The following RFC1 variants were observed in gnomAD, a reference collection of about 807,000 sequenced individuals.
RFC1 encodes the protein replication factor C subunit 1, also known as A1 140 kDa subunit.
In RFC1, 37 loss-of-function variants were observed where a neutral mutation model predicts 137.4. The ratio of observed to expected loss-of-function variants is 0.27; its 90% CI spans 0.21 to 0.35. The LOEUF is 0.35. RFC1 is among the 10% of genes least tolerant of loss of function. The pLI is 1.00. For missense variants in RFC1, 1,205 were observed against 1,358.5 expected (o/e 0.89, Z 1.78); for synonymous variants, 429 against 455.7 (o/e 0.94, Z 0.75).
Position 39,360,722 on chromosome 4 carries a change from G to A in RFC1, c.3+5517C>T, listed in dbSNP as rs985027128. Among the ~76,000 whole-genome samples the A allele has an allele frequency of 5.9e-5, 9 of 151,900 alleles. No homozygotes were observed. In the South Asian group the frequency reaches 6.2e-4, roughly 11 times the overall value. ...TGCACTCCAGCCTGAGCAACAGAGC[G>A]AGACTCTGTCTCAGAAAAAAAAAGG... is the stretch of plus-strand genomic sequence containing the variant. On this transcript the variant is annotated intron_variant, in intron 1 of 24. Transcript: ENST00000349703.
intron 1 of RFC1, among the ~76,000 whole-genome samples, chr4:39,355,287 T>C (rs1578172549): frequency 6.7e-6 from 1 of 149,454 alleles, no homozygotes. Flanking sequence ...ATCAGCCTAG[T>C]GTAGTGACAC....
intron 21 of RFC1, among the ~76,000 whole-genome samples, chr4:39,296,543 A>G (rs1050532622): frequency 4.8e-5 from 7 of 147,258 alleles, no homozygotes; most frequent in Non-Finnish European, 6.0e-5. Flanking sequence ...GAGAATGATG[A>G]TTTCCAATTT....
At chr4:39,292,660 A>AG (rs1737749576) in intron 22 of RFC1, among the ~76,000 whole-genome samples, 3 of 139,196 alleles carry the variant, frequency 2.2e-5, no homozygotes, top group African/African-American at 8.8e-5. Flanking sequence ...ATTTATTTAA[A>AG]GACGAAGCCT....
At position 39,302,579 on chromosome 4, in the gene RFC1, A is replaced by G. The variant is rs1275594880; in HGVS notation, c.2357T>C (p.Ile786Thr). 5.0e-6 allele frequency: 8 copies of G among 1,607,972 alleles called. No homozygotes were observed. Among genetic ancestry groups the G allele is most frequent in the Non-Finnish European group, 6.8e-6 (8 of 1,175,528 alleles). ...VEQIKGAMMS[I>T]AFKEGLKIPP... The stretch of plus-strand genomic sequence containing the variant: ...AATCTTTAAACCTTCTTTAAATGCA[A>G]TAGACATCATAGCACCCTGAAATTG... Residue 786 changes from isoleucine to threonine, a missense_variant, in exon 18 of 25, where the codon ATT (isoleucine) becomes ACT (threonine). Coordinates refer to ENST00000349703, the MANE Select transcript of RFC1 (RefSeq NM_002913.5).
At chr4:39,333,137 G>C (rs1192435563) in intron 4 of RFC1, among the ~76,000 whole-genome samples, 1 of 152,156 alleles carries the variant, frequency 6.6e-6, no homozygotes, top group Non-Finnish European at 1.5e-5. Context: ...GGGTTTCACT[G>C]CGATCTTCTG....
intron 1 of RFC1, among the ~76,000 whole-genome samples, chr4:39,364,641 T>C (rs569083147): frequency 2.3e-4 from 35 of 152,298 alleles, no homozygotes; most frequent in Non-Finnish European, 4.9e-4. Context: ...TAACTTTCCA[T>C]AGAGTCCTTT....
chr4:39,363,890 A>C (rs1474626785), intron 1 of RFC1, among the ~76,000 whole-genome samples: 2 of 71,612 alleles, frequency 2.8e-5, no homozygotes, highest in Non-Finnish European at 5.4e-5. Flanking sequence ...GACTCTCAAA[A>C]AAAAAAAAAA....
At chr4:39,331,313 G>A (rs1740089199) in intron 4 of RFC1, among the ~76,000 whole-genome samples, 1 of 152,106 alleles carries the variant, frequency 6.6e-6, no homozygotes, top group African/African-American at 2.4e-5. Flanking sequence ...CTGAAATGAT[G>A]GTGCTCTACT....
At chr4:39,347,685 T>TA (rs1740924274) in intron 2 of RFC1, among the ~76,000 whole-genome samples, 1 of 152,158 alleles carries the variant, frequency 6.6e-6, no homozygotes, top group African/African-American at 2.4e-5. Context: ...ATATGAACGT[T>TA]AAATGTAATA....
chr4:39,337,065 C>T (rs1026705623), intron 4 of RFC1, among the ~76,000 whole-genome samples: 2 of 152,016 alleles, frequency 1.3e-5, no homozygotes, highest in African/African-American at 2.4e-5. Flanking sequence ...GAGGGTTAAG[C>T]CATTAAGTTA....
chr4:39,288,776 T>G lies in RFC1; in HGVS notation c.3429A>C (p.Lys1143Asn). ...KDKEPRKGKG[K>N]SSKK is the part of the protein sequence containing the mutation. ...AAAAATGGTTTCATTTCTTCGAACT[T>G]TTTCCTTTTCCTTTTCTGGGCTCCT... Residue 1143 changes from lysine to asparagine, a missense_variant, in exon 25 of 25, where the codon AAA becomes AAC. Around this residue, in one of 3 missense-constraint regions of RFC1, gnomAD observed 237 missense variants for 304.2 expected, o/e 0.78. Coordinates refer to ENST00000349703, the MANE Select transcript of RFC1 (RefSeq NM_002913.5). 6.2e-7 allele frequency: 1 copy of G among 1,610,124 alleles called. No homozygotes were observed. The highest frequency in any genetic ancestry group is 8.5e-7 in the Non-Finnish European group (1 of 1,177,354).
chr4:39,289,784 T>C (rs1257028156), intron 24 of RFC1, 64 bp downstream of exon 24: 3 of 1,127,536 alleles, frequency 2.7e-6, no homozygotes, highest in South Asian at 1.3e-5. Context: ...AAGGCCCTAT[T>C]ATTCACCAGG....
chr4:39,351,032 C>T (rs12642089), intron 2 of RFC1, among the ~76,000 whole-genome samples: 13,405 of 151,880 alleles, frequency 0.088, 759 homozygotes, highest in East Asian at 0.19. Flanking sequence ...GGGCAGATCA[C>T]GAGGTCAGGA....
At position 39,287,715 on chromosome 4, in the gene RFC1, A is replaced by G. The variant is rs1737447848; in HGVS notation, c.*1046T>C. On this transcript the variant is annotated 3_prime_UTR_variant, in exon 25 of 25. Coordinates refer to ENST00000349703, the MANE Select transcript of RFC1 (RefSeq NM_002913.5). The stretch of plus-strand genomic sequence containing the variant: ...CATCTAAATTCCAGGCTAGGTCCAT[A>G]GCCTCACGGCCACTCAACACATACA... 6.6e-6 allele frequency: 1 copy of G among 152,220 alleles called. No homozygotes were observed. The highest frequency in any genetic ancestry group is 6.5e-5 in the Admixed American group (1 of 15,276). The allele number at this position is 152,220 out of a possible 1,614,324, so 9.4% of individuals were successfully genotyped here.
rs755035668 is a variant in RFC1, at chr4:39,327,512, T to C, written c.564+12A>G. Reference sequence around the variant, plus strand: ...AATCCTGAGCATACTTGCTTATATGTAGAACACTTACCTCTTTTCTTTTGC... The same window carrying C: ...AATCCTGAGCATACTTGCTTATATGCAGAACACTTACCTCTTTTCTTTTGC... On this transcript the variant is annotated intron_variant, in intron 5 of 24. Transcript: ENST00000349703. The C allele has an allele frequency of 3.2e-6, 5 of 1,575,658 alleles. No individual in the cohort carries two copies. The highest frequency in any genetic ancestry group is 4.5e-5 in the East Asian group (2 of 44,624).
Position 39,287,992 on chromosome 4 carries a change from A to C in RFC1, c.*769T>G, listed in dbSNP as rs1737463326. ...AGCCCCATAACAGACCACTGCATGA[A>C]ATCCTATTCACAGCAGAGACGTGGT... is the stretch of plus-strand genomic sequence containing the variant. On this transcript the variant is annotated 3_prime_UTR_variant, in exon 25 of 25. Coordinates refer to ENST00000349703, the MANE Select transcript of RFC1 (RefSeq NM_002913.5). 6.6e-6 allele frequency: 1 copy of C among 152,212 alleles called. No homozygotes were observed. The highest frequency in any genetic ancestry group is 1.5e-5 in the Non-Finnish European group (1 of 68,048). 9.4% of individuals were successfully genotyped at this position (152,212 alleles called of 1,614,324 possible).
chr4:39,290,844 C>CACAAGATATA (rs1737637396), intron 23 of RFC1, among the ~76,000 whole-genome samples: 1 of 150,906 alleles, frequency 6.6e-6, no homozygotes, highest in Admixed American at 6.6e-5. Context: ...GGGAGCTCAT[C>CACAAGATATA]ACAAGATATA....
intron 4 of RFC1, among the ~76,000 whole-genome samples, chr4:39,339,311 G>A (rs1740502136): frequency 6.6e-6 from 1 of 151,912 alleles, no homozygotes; most frequent in South Asian, 2.1e-4. Context: ...AATTTCATTG[G>A]GCTCCTCCAT....
At chr4:39,295,587 T>C (rs542926052) in intron 22 of RFC1, 27 bp downstream of exon 22, 189 of 1,553,568 alleles carry the variant, frequency 1.2e-4, no homozygotes, top group Non-Finnish European at 1.6e-4. Context: ...ATCGATAAAA[T>C]ACCCGAAACA....
Sources: gnomAD v4.1 joint callset for allele counts (sites outside exome capture counted in the v4.1 genomes callset) on GRCh38, gnomAD v4.1.1 for gene constraint, gnomAD v4.1.1 regional missense constraint, MANE v1.5 for transcripts, NCBI Gene and HGNC (gene_info 2026-07-23, HGNC 2026-07-21) for gene names.